Variants in RAB40C observed in about 807,000 individuals in gnomAD.
RAB40C encodes the protein ras-related protein Rab-40C.
A neutral mutation model predicts 28.1 loss-of-function variants in RAB40C; 8 were observed. The observed-to-expected ratio is 0.28, with a 90% CI of 0.17 to 0.51. The LOEUF (loss-of-function observed/expected upper bound fraction) is 0.51. Ranked by LOEUF, RAB40C falls within the 20% of genes least tolerant of loss-of-function variation. The pLI, the probability that RAB40C is intolerant of heterozygous loss-of-function variation, is 0.97. For synonymous variants in RAB40C, 201 were observed against 171.7 expected (o/e 1.17, Z -1.34); for missense variants, 288 against 405.9 (o/e 0.71, Z 2.50).
chr16:623,889 G>T, intron 3 of RAB40C: 1 of 905,734 alleles, frequency 1.1e-6, no homozygotes, highest in Non-Finnish European at 1.3e-6. Flanking sequence ...CCATGATCGT[G>T]CCACTGCATG....
intron 1 of RAB40C, among the ~76,000 whole-genome samples, chr16:616,008 A>G (rs925370843): frequency 6.6e-6 from 1 of 152,118 alleles, no homozygotes; most frequent in African/African-American, 2.4e-5. Context: ...CTGTAATCCT[A>G]GCACTTTGGG....
chr16:596,198 C>G (rs1196725151), intron 1 of RAB40C: 1 of 425,684 alleles, frequency 2.3e-6, no homozygotes, highest in Non-Finnish European at 4.8e-6. Context: ...GCACGATGAG[C>G]TAAATTGAAC....
Position 627,444 on chromosome 16 carries a change from A to G in RAB40C, c.668A>G (p.Lys223Arg). The G allele has an allele frequency of 2.5e-6, 4 of 1,614,030 alleles. No individual in the cohort carries two copies. Among genetic ancestry groups the G allele is most frequent in the Non-Finnish European group, 3.4e-6 (4 of 1,180,012 alleles). The change falls in exon 6 of 6, where the codon AAG (lysine) becomes AGG (arginine). Residue 223 changes from lysine (K) to arginine (R), a missense_variant. Coordinates refer to ENST00000248139, the MANE Select transcript of RAB40C (RefSeq NM_021168.5). ...CCCGTCACCATCAAGAGCCACCTCAAGTCCTTCTCGATGGCCAACGGCATG... is the reference window on the plus strand; with the variant it reads ...CCCGTCACCATCAAGAGCCACCTCAGGTCCTTCTCGATGGCCAACGGCATG... ...PLPVTIKSHL[K>R]SFSMANGMNA...
Position 624,006 on chromosome 16 carries a change from C to G in RAB40C, c.265-1426C>G, listed in dbSNP as rs201886226. ...ACCTCACCTGGGTTGCACATCTCTC[C>G]TTGGCCAGCATGCACGCTTTTACAT... is the stretch of plus-strand genomic sequence containing the variant. On this transcript the variant is annotated intron_variant, in intron 3 of 5. Coordinates refer to ENST00000248139, the MANE Select transcript of RAB40C (RefSeq NM_021168.5). The G allele has an allele frequency of 2.4e-5, 24 of 985,442 alleles. No individual in the cohort carries two copies. In the East Asian group the frequency reaches 2.0e-3, roughly 84 times the overall value. The allele number at this position is 985,442 out of a possible 1,614,324, so 61.0% of individuals were successfully genotyped here. A position where few individuals can be genotyped will look rare whatever the true frequency, so the allele number is the denominator to read the frequency against.
chr16:595,249 C>T (rs2036088692), intron 1 of RAB40C, among the ~76,000 whole-genome samples: 1 of 152,046 alleles, frequency 6.6e-6, no homozygotes, highest in South Asian at 2.1e-4. Context: ...TTCCGCTGCC[C>T]CCGTGTAGCC....
At chr16:625,757 T>C (rs1187729707) in intron 4 of RAB40C, 142 bp from the exon 5 acceptor site, 29 of 913,652 alleles carry the variant, frequency 3.2e-5, no homozygotes. Context: ...AGCCCTGGGG[T>C]CTGCCCACCT....
intron 3 of RAB40C, among the ~76,000 whole-genome samples, chr16:623,140 C>T (rs1215462425): frequency 1.3e-5 from 2 of 152,172 alleles, no homozygotes; most frequent in Admixed American, 6.5e-5. Flanking sequence ...GGGCCCCCCG[C>T]GTCACAGCAC....
intron 3 of RAB40C, chr16:625,026 C>A: frequency 3.9e-6 from 5 of 1,291,852 alleles, no homozygotes; most frequent in Non-Finnish European, 5.0e-6. Flanking sequence ...CTCAGAAATG[C>A]CCCCACTCAG....
chr16:622,315 T>G (rs1339259833), intron 3 of RAB40C, among the ~76,000 whole-genome samples: 2 of 152,148 alleles, frequency 1.3e-5, no homozygotes, highest in African/African-American at 2.4e-5. Flanking sequence ...GCGGGGGTGC[T>G]GGGCCTGAGC....
chr16:613,308 G>A (rs2036521568), intron 1 of RAB40C, among the ~76,000 whole-genome samples: 1 of 151,572 alleles, frequency 6.6e-6, no homozygotes, highest in Non-Finnish European at 1.5e-5. Context: ...AGAATCAAGA[G>A]CAGGGACAGC....
Position 590,258 on chromosome 16 carries a change from C to G in RAB40C, c.-34C>G. 2.1e-6 allele frequency: 3 copies of G among 1,426,262 alleles called. No homozygotes were observed. The highest frequency in any genetic ancestry group is 1.8e-6 in the Non-Finnish European group (2 of 1,086,208). The allele number at this position is 1,426,262 out of a possible 1,614,324, so 88.4% of individuals were successfully genotyped here. On this transcript the variant is annotated 5_prime_UTR_variant, in exon 1 of 6. Coordinates refer to ENST00000248139, the MANE Select transcript of RAB40C (RefSeq NM_021168.5). ...GCGGCCTCACCCGGCGGTGCTTCGG[C>G]AGGCGGCCGGCGCGGGGCGCAGGCG...
intron 1 of RAB40C, among the ~76,000 whole-genome samples, chr16:605,809 G>A (rs72767876): frequency 0.053 from 8,096 of 152,252 alleles, 296 homozygotes; most frequent in Admixed American, 0.092. Flanking sequence ...ACGTACTGAG[G>A]AGTGGAAGCT....
intron 1 of RAB40C, among the ~76,000 whole-genome samples, chr16:601,651 G>A: frequency 6.6e-6 from 1 of 151,938 alleles, no homozygotes; most frequent in East Asian, 1.9e-4. Flanking sequence ...ACATGAGAGG[G>A]AATGCTTATA....
At position 592,758 on chromosome 16, in the gene RAB40C, G is replaced by A. The variant is rs967561432; in HGVS notation, c.142+2325G>A. 4.6e-5 allele frequency among the ~76,000 whole-genome samples: 7 copies of A among 152,384 alleles called. No homozygotes were observed. The South Asian group carries it at 6.2e-4, about 14-fold the overall frequency. On this transcript the variant is annotated intron_variant, in intron 1 of 5. Coordinates refer to ENST00000248139, the MANE Select transcript of RAB40C (RefSeq NM_021168.5). The stretch of plus-strand genomic sequence containing the variant: ...AATCGGTGTTTTCCCAGGACATGAA[G>A]GCGTGCTTCTGAGGGCCGGCTCAGC...
intron 1 of RAB40C, among the ~76,000 whole-genome samples, chr16:592,717 A>C (rs1428249347): frequency 6.6e-6 from 1 of 152,250 alleles, no homozygotes; most frequent in Non-Finnish European, 1.5e-5. Context: ...GAGCACGGGA[A>C]GGATTGGGTT....
intron 1 of RAB40C, among the ~76,000 whole-genome samples, chr16:614,802 G>A (rs34812060): frequency 0.23 from 34,863 of 150,390 alleles, 4,838 homozygotes; most frequent in East Asian, 0.6. Context: ...ACCTCGTCCC[G>A]ACGGTGAACT....
At chr16:615,084 C>A (rs766820357) in intron 1 of RAB40C, among the ~76,000 whole-genome samples, 7 of 152,156 alleles carry the variant, frequency 4.6e-5, no homozygotes, top group Non-Finnish European at 8.8e-5. Flanking sequence ...AAAATTGGGA[C>A]GTTTGGTTTT....
chr16:602,858 C>G (rs1025672027), intron 1 of RAB40C, among the ~76,000 whole-genome samples: 1 of 152,190 alleles, frequency 6.6e-6, no homozygotes, highest in Non-Finnish European at 1.5e-5. Context: ...GTGTTAGCCA[C>G]CAAGCACAGC....
intron 1 of RAB40C, among the ~76,000 whole-genome samples, chr16:605,740 G>A (rs551984674): frequency 6.6e-6 from 1 of 152,308 alleles, no homozygotes; most frequent in East Asian, 1.9e-4. Flanking sequence ...GACTCTCACA[G>A]GGCTCCTGTG....
Sources: gnomAD v4.1 joint callset for allele counts (sites outside exome capture counted in the v4.1 genomes callset) on GRCh38, gnomAD v4.1.1 for gene constraint, MANE v1.5 for transcripts, NCBI Gene and HGNC (gene_info 2026-07-23, HGNC 2026-07-21) for gene names.